Variants in ITGB3 observed in about 807,000 individuals in gnomAD.
ITGB3 encodes the protein integrin subunit beta 3.
ITGB3 carries 48 observed loss-of-function variants against 85.8 expected under a neutral mutation model. That is an observed-to-expected ratio of 0.56 (90% CI 0.44 to 0.71). The LOEUF is 0.71. ITGB3 is among the 30% of genes least tolerant of loss of function. The pLI is 0.00. For synonymous variants in ITGB3, 363 were observed against 395.6 expected, an observed-to-expected ratio of 0.92 and a Z score of 0.98; for missense variants, 861 against 1,019.1, an observed-to-expected ratio of 0.84 and a Z score of 2.11.
chr17:47,274,166 G>A (rs921090079), intron 1 of ITGB3, among the ~76,000 whole-genome samples: 1 of 152,218 alleles, frequency 6.6e-6, no homozygotes, highest in African/African-American at 2.4e-5. Context: ...CCATGGCTCA[G>A]CCTTGCCCTG....
chr17:47,300,718 A>C, intron 12 of ITGB3, 140 bp downstream of exon 12: 2 of 710,466 alleles, frequency 2.8e-6, no homozygotes, highest in Non-Finnish European at 2.5e-6. Flanking sequence ...TTGAGGAACA[A>C]TGGACACTTG....
chr17:47,302,904 G>A lies in ITGB3; in HGVS notation c.2134+64G>A. The stretch of plus-strand genomic sequence containing the variant: ...GGGAGAGGGAGAACCATGTTAGGCA[G>A]GAATCTCTACTCATCGAAGCTGTTA... On this transcript the variant is annotated intron_variant, in intron 13 of 14. Transcript: ENST00000559488. 1.9e-6 allele frequency: 3 copies of A among 1,594,912 alleles called. No individual in the cohort carries two copies. The Admixed American group carries it at 5.0e-5, about 27-fold the overall frequency.
chr17:47,277,470 A>G (rs578022379), intron 2 of ITGB3, among the ~76,000 whole-genome samples: 39 of 152,248 alleles, frequency 2.6e-4, no homozygotes, highest in Admixed American at 2.6e-4. Context: ...CCAGCTACTC[A>G]GGAGGCTGGA....
chr17:47,287,493 A>G lies in ITGB3; in HGVS notation c.939+262A>G, dbSNP rs1382868196. 2.6e-5 allele frequency among the ~76,000 whole-genome samples: 4 copies of G among 152,158 alleles called. No individual in the cohort carries two copies. In the East Asian group the frequency reaches 7.7e-4, roughly 29 times the overall value. Reference sequence around the variant, plus strand: ...ATAGCAGCAGCATCATGGGATCCAGAATGGACCCAAAGGATTTTTACAACC... The same window carrying G: ...ATAGCAGCAGCATCATGGGATCCAGGATGGACCCAAAGGATTTTTACAACC... On this transcript the variant is annotated intron_variant, in intron 6 of 14. Transcript: ENST00000559488.
At chr17:47,295,352 T>C (rs549823138) in intron 10 of ITGB3, among the ~76,000 whole-genome samples, 1 of 152,192 alleles carries the variant, frequency 6.6e-6, no homozygotes, top group Admixed American at 6.5e-5. Context: ...GGGCTCGTGT[T>C]CCCAATGACC....
chr17:47,286,296 A>G lies in ITGB3; in HGVS notation c.651A>G (p.Lys217=), dbSNP rs1416573966. The change falls in exon 5 of 15, where the codon AAA becomes AAG. Residue 217 remains lysine, a synonymous_variant. Coordinates refer to ENST00000559488, the MANE Select transcript of ITGB3 (RefSeq NM_000212.3). ...CCTGCTTGCCCATGTTTGGCTACAAACACGTGCTGACGCTAACTGACCAGG... is the reference window on the plus strand; with the variant it reads ...CCTGCTTGCCCATGTTTGGCTACAAGCACGTGCTGACGCTAACTGACCAGG... ...KTTCLPMFGY[K]HVLTLTDQVT... 1.2e-6 allele frequency: 2 copies of G among 1,614,168 alleles called. No homozygotes were observed. Among genetic ancestry groups the G allele is most frequent in the South Asian group, 1.1e-5 (1 of 91,078 alleles).
At chr17:47,296,450 T>A (rs1892666520) in intron 10 of ITGB3, among the ~76,000 whole-genome samples, 3 of 151,990 alleles carry the variant, frequency 2.0e-5, no homozygotes, top group African/African-American at 7.3e-5. Context: ...CCCAGGCTAG[T>A]CTTGAACTCC....
chr17:47,303,175 G>A (rs1234034117), intron 13 of ITGB3, among the ~76,000 whole-genome samples: 4 of 152,054 alleles, frequency 2.6e-5, no homozygotes, highest in African/African-American at 4.8e-5. Context: ...ACTTGAACCC[G>A]GGAGGCACAG....
intron 2 of ITGB3, among the ~76,000 whole-genome samples, chr17:47,278,571 G>A (rs770881481): frequency 4.1e-5 from 6 of 146,078 alleles, no homozygotes; most frequent in Non-Finnish European, 7.6e-5. Context: ...CAACAAGAGC[G>A]AAACTCCATC....
At chr17:47,307,021 G>A (rs2065190902) in intron 13 of ITGB3, among the ~76,000 whole-genome samples, 1 of 152,024 alleles carries the variant, frequency 6.6e-6, no homozygotes, top group African/African-American at 2.4e-5. Flanking sequence ...TTTTGCTTTA[G>A]GGGTACATGT....
At chr17:47,309,557 G>A (rs376576368) in intron 14 of ITGB3, among the ~76,000 whole-genome samples, 6 of 152,152 alleles carry the variant, frequency 3.9e-5, no homozygotes, top group East Asian at 1.9e-4. Context: ...CCCGAATGCT[G>A]TGGAATCACT....
rs80115510 is a variant in ITGB3, at chr17:47,284,568, A to C, written c.487A>C (p.Lys163Gln). 1 of 1,614,194 alleles carries C rather than the reference A, an allele frequency of 6.2e-7. No homozygotes were observed. Among genetic ancestry groups the C allele is most frequent in the Non-Finnish European group, 8.5e-7 (1 of 1,180,034 alleles). ...DLWSIQNLGT[K>Q]LATQMRKLTS... ...GTGGAGCATCCAGAACCTGGGTACC[A>C]AGCTGGCCACCCAGATGCGAAAGCT... Residue 163 changes from lysine to glutamine, a missense_variant, in exon 4 of 15, where the codon AAG (lysine) becomes CAG (glutamine). Physicochemically the swap from Lys to Gln is moderately conservative, Grantham distance 53. Transcript: ENST00000559488.
At chr17:47,279,973 A>G (rs2143081881) in intron 2 of ITGB3, 1 of 152,356 alleles carries the variant, frequency 6.6e-6, no homozygotes, top group South Asian at 2.1e-4. Context: ...CAAAACCTGA[A>G]GTGCCCAAGT....
chr17:47,300,346 C>CGCGCGCGCGCGCGTGTGT (rs377375532), intron 11 of ITGB3, 132 bp from the exon 12 acceptor site: 3 of 619,730 alleles, frequency 4.8e-6, no homozygotes, highest in South Asian at 3.2e-5. Context: ...CGCGCGCGCG[C>CGCGCGCGCGCGCGTGTGT]GTGTGTGTGT....
At position 47,312,230 on chromosome 17, in the gene ITGB3, G is replaced by A. The variant is rs1377262929; in HGVS notation, c.*2026G>A. Among the ~76,000 whole-genome samples the A allele has an allele frequency of 6.6e-6, 1 of 152,142 alleles. No individual in the cohort carries two copies. The highest frequency in any genetic ancestry group is 6.6e-5 in the Admixed American group (1 of 15,256). ...TTCTTTCTTCACTTTGCACACATTT[G>A]CATCCACATATTAGGGAAGAGGAAT... On this transcript the variant is annotated 3_prime_UTR_variant, in exon 15 of 15. Coordinates refer to ENST00000559488, the MANE Select transcript of ITGB3 (RefSeq NM_000212.3).
intron 1 of ITGB3, among the ~76,000 whole-genome samples, chr17:47,273,111 C>T (rs1311909209): frequency 6.6e-6 from 1 of 152,118 alleles, no homozygotes; most frequent in Non-Finnish European, 1.5e-5. Context: ...TGTGTATACA[C>T]CCTCATTTTC....
intron 6 of ITGB3, among the ~76,000 whole-genome samples, chr17:47,288,436 T>C (rs1427062872): frequency 6.6e-6 from 1 of 152,096 alleles, no homozygotes; most frequent in Non-Finnish European, 1.5e-5. Flanking sequence ...TCAGGAGAAA[T>C]TACTATAAGC....
intron 10 of ITGB3, among the ~76,000 whole-genome samples, chr17:47,297,883 A>G (rs1166488518): frequency 2.0e-5 from 3 of 148,932 alleles, no homozygotes; most frequent in Admixed American, 2.0e-4. Context: ...CTCTGTCTCA[A>G]AAAAAAAAAA....
At chr17:47,261,677 G>A (rs113931480) in intron 1 of ITGB3, among the ~76,000 whole-genome samples, 5,028 of 152,120 alleles carry the variant, frequency 0.033, 108 homozygotes, top group Non-Finnish European at 0.052. Context: ...TTGCCACCAC[G>A]CCCAGCTAAT....
Sources: gnomAD v4.1 joint callset for allele counts (sites outside exome capture counted in the v4.1 genomes callset) on GRCh38, gnomAD v4.1.1 for gene constraint, MANE v1.5 for transcripts, NCBI Gene and HGNC (gene_info 2026-07-23, HGNC 2026-07-21) for gene names.